The following NT5C1B variants were observed in gnomAD, a reference collection of about 807,000 sequenced individuals.
NT5C1B encodes cytosolic 5'-nucleotidase 1B.
A neutral mutation model predicts 57.8 loss-of-function variants in NT5C1B; 44 were observed. The observed-to-expected ratio is 0.76, with a 90% CI of 0.60 to 0.98. The LOEUF (loss-of-function observed/expected upper bound fraction) is 0.98. Among genes scored for constraint, NT5C1B ranks in the 50% least tolerant of loss-of-function variants. The pLI is 0.00. For missense variants in NT5C1B, 742 were observed against 719.5 expected, an observed-to-expected ratio of 1.03 and a Z score of -0.36; for synonymous variants, 284 against 282.6, an observed-to-expected ratio of 1.00 and a Z score of -0.05.
At chr2:18,583,073 T>C (rs188536572) in intron 5 of NT5C1B, 76 bp from the exon 6 acceptor site, 1 of 1,516,856 alleles carries the variant, frequency 6.6e-7, no homozygotes, top group Non-Finnish European at 8.8e-7. Context: ...AGGAAGCATC[T>C]CATCAGAGTC....
At chr2:18,587,052 CGTATTGT>C in intron 2 of NT5C1B, 1 of 1,614,166 alleles carries the variant, frequency 6.2e-7, no homozygotes, top group Non-Finnish European at 8.5e-7. Flanking sequence ...AATATAAATA[CGTATTGT>C]GTGGCAGGGG....
intron 2 of NT5C1B, chr2:18,586,980 T>TGATC: frequency 6.2e-7 from 1 of 1,614,170 alleles, no homozygotes; most frequent in Non-Finnish European, 8.5e-7. Context: ...ATCGGTAGTG[T>TGATC]GATCTCTGCT....
intron 6 of NT5C1B, among the ~76,000 whole-genome samples, chr2:18,580,163 G>A (rs919124319): frequency 2.0e-5 from 3 of 152,126 alleles, no homozygotes; most frequent in African/African-American, 4.8e-5. Flanking sequence ...GGTTAAAAAC[G>A]AACACTTATA....
chr2:18,569,240 G>A (rs915180918), intron 8 of NT5C1B, among the ~76,000 whole-genome samples: 1 of 152,012 alleles, frequency 6.6e-6, no homozygotes, highest in African/African-American at 2.4e-5. Flanking sequence ...AATTTTAAAT[G>A]AGTCATAAGC....
chr2:18,587,139 C>G (rs1167965035), intron 2 of NT5C1B: 1 of 1,614,002 alleles, frequency 6.2e-7, no homozygotes, highest in Admixed American at 1.7e-5. Flanking sequence ...GGGGCAACAT[C>G]TCAGCGAGTG....
intron 5 of NT5C1B, 126 bp downstream of exon 5, chr2:18,583,962 A>G: frequency 6.4e-7 from 1 of 1,550,746 alleles, no homozygotes; most frequent in East Asian, 2.3e-5. Flanking sequence ...GTCAGCTAGA[A>G]GGAGACAAGA....
At chr2:18,587,482 C>G in intron 2 of NT5C1B, 21 bp downstream of exon 2, 1 of 1,608,882 alleles carries the variant, frequency 6.2e-7, no homozygotes, top group Non-Finnish European at 8.5e-7. Context: ...TTCCTCACCT[C>G]TGCTACAGAG....
In NT5C1B at chr2:18,584,777, C is replaced by T; in HGVS notation, c.460G>A (p.Glu154Lys). ...CGCACGATGCCTTGGGCCCAGGCCT[C>T]CGGATTCTCTTGCATTTTGGTGCTG... The change falls in exon 4 of 9, where the codon GAG (glutamate) becomes AAG (lysine). Residue 154 changes from glutamate (E) to lysine (K), a missense_variant. Transcript: ENST00000304081. This position sits in a 1 kb window ranked among gnomAD's most constrained non-coding sequence, Gnocchi z 5.8. 2 of 1,613,658 alleles carry T rather than the reference C, an allele frequency of 1.2e-6. No individual in the cohort carries two copies. Among genetic ancestry groups the T allele is most frequent in the Non-Finnish European group, 1.7e-6 (2 of 1,179,842 alleles).
At chr2:18,573,248 A>G (rs1665371809) in intron 8 of NT5C1B, among the ~76,000 whole-genome samples, 1 of 152,150 alleles carries the variant, frequency 6.6e-6, no homozygotes. Context: ...AAAAGAAATC[A>G]GTGGTTGATG....
intron 1 of NT5C1B, 123 bp downstream of exon 1, chr2:18,589,316 C>T (rs1666991222): frequency 8.3e-6 from 11 of 1,332,896 alleles, no homozygotes; most frequent in Non-Finnish European, 1.2e-5. Context: ...CTCTTTTCCT[C>T]TACCTGAAGC....
chr2:18,575,004 A>G (rs1240801571), intron 8 of NT5C1B, among the ~76,000 whole-genome samples: 1 of 152,106 alleles, frequency 6.6e-6, no homozygotes, highest in African/African-American at 2.4e-5. Flanking sequence ...AACAAAGTAC[A>G]AAATGAGAAA....
Position 18,584,927 on chromosome 2 carries a change from G to T in NT5C1B, c.310C>A (p.His104Asn). The T allele has an allele frequency of 6.5e-7, 1 of 1,545,808 alleles. No individual in the cohort carries two copies. The highest frequency in any genetic ancestry group is 8.7e-7 in the Non-Finnish European group (1 of 1,153,096). ...GACAGCGGCGGCGGTGAGGAGTCATGCAGGCTTGGGGAGGTGGATGGAGTC... is the reference window on the plus strand; with the variant it reads ...GACAGCGGCGGCGGTGAGGAGTCATTCAGGCTTGGGGAGGTGGATGGAGTC... The change falls in exon 4 of 9, where the codon CAT becomes AAT. Residue 104 changes from histidine (H) to asparagine (N), a missense_variant. His to Asn is a moderately conservative substitution (Grantham distance 68). Coordinates refer to ENST00000304081, the Ensembl canonical transcript of NT5C1B. This position sits in a 1 kb window ranked among gnomAD's most constrained non-coding sequence, Gnocchi z 5.8.
intron 8 of NT5C1B, among the ~76,000 whole-genome samples, chr2:18,574,324 T>C (rs1665475580): frequency 6.6e-6 from 1 of 152,044 alleles, no homozygotes; most frequent in African/African-American, 2.4e-5. Context: ...AAAACAAAGA[T>C]ACCAAATGCT....
Position 18,576,204 on chromosome 2 carries a change from C to A in NT5C1B, c.1309G>T (p.Glu437Ter). The A allele has an allele frequency of 6.2e-7, 1 of 1,612,196 alleles. No homozygotes were observed. The highest frequency in any genetic ancestry group is 1.3e-5 in the African/African-American group (1 of 74,922). ...CCTACCTGAGCAAGAGGCTTACTTT[C>A]ACATAATGTATCATACTGGAAGAAT... is the stretch of plus-strand genomic sequence containing the variant. The change falls in exon 8 of 9, where the codon GAA (glutamate) becomes TAA (stop). Residue 437 changes from glutamate (E) to a stop codon, truncating the protein, a stop_gained. Coordinates refer to ENST00000304081, the Ensembl canonical transcript of NT5C1B. LOFTEE classifies it high-confidence loss of function.
intron 6 of NT5C1B, among the ~76,000 whole-genome samples, chr2:18,580,445 C>T (rs1189835694): frequency 1.3e-5 from 2 of 152,126 alleles, no homozygotes; most frequent in East Asian, 1.9e-4. Context: ...GAAACCCTGT[C>T]TCTACTAAAA....
exon 1 of NT5C1B, chr2:18,589,468 T>G: frequency 6.2e-7 from 1 of 1,613,930 alleles, no homozygotes; most frequent in Non-Finnish European, 8.5e-7. Flanking sequence ...GTTTGACTCA[T>G]TTTTTTACCT....
Position 18,589,497 on chromosome 2 carries a change from T to C in NT5C1B, c.-29A>G, listed in dbSNP as rs767792738. 2 of 1,613,772 alleles carry C rather than the reference T, an allele frequency of 1.2e-6. No homozygotes were observed. Among genetic ancestry groups the C allele is most frequent in the African/African-American group, 2.7e-5 (2 of 74,954 alleles). On this transcript the variant is annotated 5_prime_UTR_variant, in exon 1 of 9. An upstream open reading frame in the 5' UTR loses its in-frame stop. Transcript: ENST00000304081. Reference sequence around the variant, plus strand: ...TTTACCTGTTGAAATTCTTTTGTTGTTATCCACATTTTTGTCTCCCCAGCT... The same window carrying C: ...TTTACCTGTTGAAATTCTTTTGTTGCTATCCACATTTTTGTCTCCCCAGCT...
rs1408028748 is a variant in NT5C1B, at chr2:18,576,288, C to T, written c.1225G>A (p.Asp409Asn). The T allele has an allele frequency of 5.6e-6, 9 of 1,613,734 alleles. No homozygotes were observed. The East Asian group carries it at 2.0e-4, about 36-fold the overall frequency. ...GACTCATCAGAGAAGAGGACAGCATCCCCATCAAAGGCTACACGGAGCTGA... is the reference window on the plus strand; with the variant it reads ...GACTCATCAGAGAAGAGGACAGCATTCCCATCAAAGGCTACACGGAGCTGA... The change falls in exon 8 of 9, where the codon GAT (aspartate) becomes AAT (asparagine). Residue 409 changes from aspartate to asparagine, a missense_variant. By Grantham distance (23) the Asp-to-Asn change is conservative. Coordinates refer to ENST00000304081, the Ensembl canonical transcript of NT5C1B.
At chr2:18,586,298 C>G in exon 3 of NT5C1B, 5 of 1,614,104 alleles carry the variant, frequency 3.1e-6, no homozygotes, top group Admixed American at 1.7e-5. Context: ...ATGGATGGAG[C>G]CTTGGTGGAT....
Sources: allele counts gnomAD v4.1 joint callset (sites outside exome capture counted in the v4.1 genomes callset), GRCh38; gene constraint gnomAD v4.1.1; non-coding constraint Gnocchi (gnomAD v3.1); transcripts MANE v1.5; gene names NCBI Gene and HGNC (gene_info 2026-07-23, HGNC 2026-07-21).